Variants in NDUFS1 observed in about 807,000 individuals in gnomAD.
NDUFS1 encodes the protein NADH-ubiquinone oxidoreductase 75 kDa subunit, mitochondrial.
A neutral mutation model predicts 84.4 loss-of-function variants in NDUFS1; 61 were observed. That is an observed-to-expected ratio of 0.72 (90% CI 0.59 to 0.89). The LOEUF is 0.89. NDUFS1 is among the 40% of genes least tolerant of loss of function. The pLI, the probability that NDUFS1 is intolerant of heterozygous loss-of-function variation, is 0.00. For synonymous variants in NDUFS1, 275 were observed against 290.0 expected, an observed-to-expected ratio of 0.95 and a Z score of 0.53; for missense variants, 891 against 890.0, an observed-to-expected ratio of 1.00 and a Z score of -0.01.
At chr2:206,155,968 A>C (rs538588533) in intron 1 of NDUFS1, among the ~76,000 whole-genome samples, 1 of 151,856 alleles carries the variant, frequency 6.6e-6, no homozygotes, top group African/African-American at 2.4e-5. Flanking sequence ...TTGAGCATCC[A>C]AAATCATTTG....
In NDUFS1 at chr2:206,127,832, T is replaced by C. The variant is rs755188414; in HGVS notation, c.1849A>G (p.Arg617Gly). 6.8e-6 allele frequency: 11 copies of C among 1,614,022 alleles called. No individual in the cohort carries two copies. Among genetic ancestry groups the C allele is most frequent in the Non-Finnish European group, 9.3e-6 (11 of 1,180,024 alleles). The change falls in exon 16 of 19, where the codon AGA becomes GGA. Residue 617 changes from arginine to glycine, a missense_variant. Physicochemically the swap from Arg to Gly is moderately radical, Grantham distance 125. Coordinates refer to ENST00000233190, the MANE Select transcript of NDUFS1 (RefSeq NM_005006.7). ...KVAVTPPGLA[R>G]EDWKIIRALS... ...GCTCTTATAATTTTCCAGTCTTCTC[T>C]TGCCAAGCCAGGAGGTGTCACTGCT...
chr2:206,131,231 TAAG>T (rs1410399833), intron 14 of NDUFS1, among the ~76,000 whole-genome samples: 1 of 152,178 alleles, frequency 6.6e-6, no homozygotes, highest in Non-Finnish European at 1.5e-5. Flanking sequence ...AAATATATCC[TAAG>T]AAGATAATTT....
chr2:206,146,291 G>A (rs1269852984), intron 8 of NDUFS1, among the ~76,000 whole-genome samples: 3 of 152,148 alleles, frequency 2.0e-5, no homozygotes, highest in Non-Finnish European at 2.9e-5. Context: ...TGACAACCAC[G>A]AATCAGCAAG....
At chr2:206,153,792 CT>C in intron 1 of NDUFS1, 110 bp from the exon 2 acceptor site, 1 of 665,952 alleles carries the variant, frequency 1.5e-6, no homozygotes, top group Admixed American at 2.8e-5. Flanking sequence ...TCATTGAACA[CT>C]CATAGGTTCT....
In NDUFS1 at chr2:206,142,715, A is replaced by G. The variant is rs569259553; in HGVS notation, c.1104T>C (p.Thr368=). 2 of 1,614,236 alleles carry G rather than the reference A, an allele frequency of 1.2e-6. No individual in the cohort carries two copies. The highest frequency in any genetic ancestry group is 1.3e-5 in the African/African-American group (1 of 75,060). Residue 368 remains threonine (T), a synonymous_variant, in exon 11 of 19, where the codon ACT becomes ACC. Transcript: ENST00000233190. ...LNRVDSDTLC[T]EEVFPTAGAG... ...CTCCTGCAGTGGGGAAGACCTCTTC[A>G]GTGCATAAGGTGTCAGAGTCCACTC...
intron 15 of NDUFS1, among the ~76,000 whole-genome samples, chr2:206,128,396 G>A (rs1170958142): frequency 1.3e-5 from 2 of 151,488 alleles, no homozygotes; most frequent in Admixed American, 6.6e-5. Context: ...TTGATCTCCT[G>A]ACCTTGTGAT....
intron 4 of NDUFS1, among the ~76,000 whole-genome samples, chr2:206,149,462 C>A (rs1478916318): frequency 6.6e-6 from 1 of 152,116 alleles, no homozygotes; most frequent in Non-Finnish European, 1.5e-5. Flanking sequence ...GAACTTCTTC[C>A]CTGCAACCCT....
rs1212631224 is a variant in NDUFS1 at position 206,138,479 on chromosome 2, G to C, written c.1392+6C>G. 5.0e-6 allele frequency: 8 copies of C among 1,613,570 alleles called. No individual in the cohort carries two copies. The South Asian group carries it at 8.8e-5, about 18-fold the overall frequency. On this transcript the variant is annotated splice_donor_region_variant and intron_variant, in intron 13 of 18. Transcript: ENST00000233190. ...ACAAGAGTAGATACACATAAGTTGA[G>C]AGCACCTGGCTAAATGGATGGCTTC...
At chr2:206,130,313 G>T in intron 14 of NDUFS1, 71 bp from the exon 15 acceptor site, 2 of 1,547,450 alleles carry the variant, frequency 1.3e-6, no homozygotes, top group South Asian at 1.1e-5. Flanking sequence ...GTGATTTTTG[G>T]AATAATTTCC....
At chr2:206,150,172 G>C (rs770228518) in intron 3 of NDUFS1, among the ~76,000 whole-genome samples, 5 of 152,124 alleles carry the variant, frequency 3.3e-5, no homozygotes, top group Non-Finnish European at 5.9e-5. Context: ...GAAGAAACTG[G>C]ATAAAGTATC....
At chr2:206,147,995 G>A (rs1692225519) in intron 5 of NDUFS1, among the ~76,000 whole-genome samples, 161 bp from the exon 6 acceptor site, 1 of 151,724 alleles carries the variant, frequency 6.6e-6, no homozygotes, top group Non-Finnish European at 1.5e-5. Context: ...TTGGCTCACT[G>A]CAGCCTCCTG....
chr2:206,145,119 T>G, intron 8 of NDUFS1, 93 bp from the exon 9 acceptor site: 1 of 1,220,756 alleles, frequency 8.2e-7, no homozygotes, highest in Non-Finnish European at 1.1e-6. Context: ...TTACAATTAA[T>G]TCCCTTTCTG....
At chr2:206,143,875 T>C (rs533523536) in intron 10 of NDUFS1, 143 bp downstream of exon 10, 1 of 693,498 alleles carries the variant, frequency 1.4e-6, no homozygotes, top group South Asian at 1.6e-5. Flanking sequence ...ATGTCCTCAG[T>C]AGATGTCTGT....
At chr2:206,145,147 A>G in intron 8 of NDUFS1, 121 bp from the exon 9 acceptor site, 5 of 1,003,744 alleles carry the variant, frequency 5.0e-6, no homozygotes, top group Non-Finnish European at 5.8e-6. Flanking sequence ...TTAAAAAATG[A>G]AGCTTAGAGG....
At chr2:206,157,401 T>G (rs548208196) in intron 1 of NDUFS1, among the ~76,000 whole-genome samples, 1 of 152,334 alleles carries the variant, frequency 6.6e-6, no homozygotes, top group East Asian at 1.9e-4. Flanking sequence ...GACAAGGAAT[T>G]TGGACATTTC....
At chr2:206,132,499 G>C (rs1233091632) in intron 14 of NDUFS1, among the ~76,000 whole-genome samples, 1 of 152,066 alleles carries the variant, frequency 6.6e-6, no homozygotes, top group African/African-American at 2.4e-5. Context: ...GGGGTGGGAG[G>C]ATCGCTGGAG....
At chr2:206,156,099 T>TA (rs1323745272) in intron 1 of NDUFS1, among the ~76,000 whole-genome samples, 1 of 150,762 alleles carries the variant, frequency 6.6e-6, no homozygotes, top group African/African-American at 2.4e-5. Context: ...CCTTCTCTAC[T>TA]AAAAATACAA....
rs1575979038 is a variant in NDUFS1, at chr2:206,144,032, G to A, written c.973C>T (p.Arg325Cys). 10 of 1,610,338 alleles carry A rather than the reference G, an allele frequency of 6.2e-6. No individual in the cohort carries two copies. Among genetic ancestry groups the A allele is most frequent in the Non-Finnish European group, 8.5e-6 (10 of 1,176,694 alleles). ...TCAAATTTTACCATTCCAGCTACGC[G>A]AGAGAGCGCATCCTCCCAAGAAGTA... ...TYTSWEDALS[R>C]VAGMLQSFQG... is the part of the protein sequence containing the mutation. Residue 325 changes from arginine (R) to cysteine (C), a missense_variant, in exon 10 of 19, where the codon CGC becomes TGC. Transcript: ENST00000233190.
chr2:206,151,517 A>T (rs1692371327), intron 3 of NDUFS1, among the ~76,000 whole-genome samples: 1 of 152,200 alleles, frequency 6.6e-6, no homozygotes, highest in South Asian at 2.1e-4. Flanking sequence ...TACCTTGAAC[A>T]TACATTTATA....
Sources: gnomAD v4.1 joint callset for allele counts (sites outside exome capture counted in the v4.1 genomes callset) on GRCh38, gnomAD v4.1.1 for gene constraint, MANE v1.5 for transcripts, NCBI Gene and HGNC (gene_info 2026-07-23, HGNC 2026-07-21) for gene names.